TRIP12: variants seen among roughly 807,000 people sequenced by gnomAD.
TRIP12 encodes the protein thyroid hormone receptor interactor 12, also known as E3 ubiquitin-protein ligase TRIP12.
TRIP12 carries 25 observed loss-of-function variants against 244.2 expected under a neutral mutation model. The observed-to-expected ratio is 0.10, with a 90% confidence interval of 0.07 to 0.14. The LOEUF (loss-of-function observed/expected upper bound fraction) is 0.14, where lower values mean the gene tolerates loss of function less well. TRIP12 is among the 10% of genes least tolerant of loss of function. The pLI, the probability that TRIP12 is intolerant of heterozygous loss-of-function variation, is 1.00. For synonymous variants in TRIP12, 905 were observed against 873.1 expected (o/e 1.04, Z -0.64); for missense variants, 1,677 against 2,486.4 (o/e 0.67, Z 6.92).
rs1031110076 is a variant in TRIP12 at position 229,791,143 on chromosome 2, C to T, written c.4524G>A (p.Lys1508=). The part of the protein sequence containing the change: ...PTKTSPRNAK[K]HDELWHDGVC... ...TCTTACCGTGCCATAACTCATCATG[C>T]TTTTTTGCATTTCTAGGGGAAGTTT... Residue 1508 remains lysine (K), a synonymous_variant, in exon 30 of 42, where the codon AAG becomes AAA. Transcript: ENST00000675903. The T allele has an allele frequency of 2.5e-6, 4 of 1,614,000 alleles. No homozygotes were observed. Among genetic ancestry groups the T allele is most frequent in the Non-Finnish European group, 3.4e-6 (4 of 1,179,984 alleles).
intron 6 of TRIP12, among the ~76,000 whole-genome samples, chr2:229,836,138 A>G (rs1381452206): frequency 6.6e-6 from 1 of 152,218 alleles, no homozygotes; most frequent in African/African-American, 2.4e-5. Flanking sequence ...TATCTGAAAT[A>G]TCTTTATTCA....
intron 39 of TRIP12, 65 bp downstream of exon 39, chr2:229,771,454 G>A (rs915699580): frequency 6.5e-6 from 9 of 1,375,614 alleles, no homozygotes; most frequent in African/African-American, 4.3e-5. Context: ...CTTTGACTAG[G>A]CAGCACAGAA....
At position 229,795,260 on chromosome 2, in the gene TRIP12, T is replaced by C. The variant is rs1173627007; in HGVS notation, c.3887A>G (p.Lys1296Arg). 1 of 1,614,128 alleles carries C rather than the reference T, an allele frequency of 6.2e-7. No individual in the cohort carries two copies. Among genetic ancestry groups the C allele is most frequent in the Non-Finnish European group, 8.5e-7 (1 of 1,179,982 alleles). ...GNAPLLALVH[K>R]MNNCLSQMEQ... ...CATCTGGCTGAGGCAGTTGTTCATCTTGTGAACTAATGCCAACAAAGGTGC... is the reference window on the plus strand; with the variant it reads ...CATCTGGCTGAGGCAGTTGTTCATCCTGTGAACTAATGCCAACAAAGGTGC... Residue 1296 changes from lysine (K) to arginine (R), a missense_variant, in exon 26 of 42, where the codon AAG (lysine) becomes AGG (arginine). By Grantham distance (26) the Lys-to-Arg change is conservative. Around this residue, in one of 11 missense-constraint regions of TRIP12, gnomAD observed 77 missense variants for 69.2 expected, o/e 1.11. Coordinates refer to ENST00000675903, the MANE Select transcript of TRIP12 (RefSeq NM_001348323.3).
rs1242671841 is a variant in TRIP12, at chr2:229,764,849, T to C, written c.*2705A>G. On this transcript the variant is annotated 3_prime_UTR_variant, in exon 42 of 42. Transcript: ENST00000675903. Reference sequence around the variant, plus strand: ...CAGTAAAGAGGGACTCCAAGCATAATTACTTTCTTTATATCCTGCTAGTGA... The same window carrying C: ...CAGTAAAGAGGGACTCCAAGCATAACTACTTTCTTTATATCCTGCTAGTGA... 1 of 152,218 alleles carries C rather than the reference T, an allele frequency of 6.6e-6. No individual in the cohort carries two copies. Among genetic ancestry groups the C allele is most frequent in the African/African-American group, 2.4e-5 (1 of 41,440 alleles). 9.4% of individuals were successfully genotyped at this position (152,218 alleles called of 1,614,324 possible).
At chr2:229,865,205 G>A (rs549095554) in intron 2 of TRIP12, among the ~76,000 whole-genome samples, 47 of 151,654 alleles carry the variant, frequency 3.1e-4, no homozygotes, top group Middle Eastern at 3.4e-3. Flanking sequence ...CTAGCTACTC[G>A]GGAAGCTGGG....
At chr2:229,793,959 C>G (rs1447851907) in intron 26 of TRIP12, among the ~76,000 whole-genome samples, 1 of 152,060 alleles carries the variant, frequency 6.6e-6, no homozygotes, top group African/African-American at 2.4e-5. Context: ...TTGGACCCTC[C>G]TGCACATAAA....
chr2:229,795,097 A>C, intron 26 of TRIP12, 82 bp downstream of exon 26: 5 of 1,513,008 alleles, frequency 3.3e-6, no homozygotes, highest in Non-Finnish European at 4.5e-6. Context: ...TCAAGACTTT[A>C]CCAGACCTCT....
At chr2:229,806,196 G>C (rs1018819149) in intron 17 of TRIP12, 1 of 202,370 alleles carries the variant, frequency 4.9e-6, no homozygotes, top group African/African-American at 2.3e-5. Flanking sequence ...TTTGTATTGA[G>C]AATGCTTTTA....
chr2:229,895,950 C>CAT (rs1184948387), intron 1 of TRIP12, among the ~76,000 whole-genome samples: 1 of 152,036 alleles, frequency 6.6e-6, no homozygotes, highest in Non-Finnish European at 1.5e-5. Flanking sequence ...AGCACCACTT[C>CAT]ATACCAGCCT....
rs762182993 is a variant in TRIP12 at position 229,803,638 on chromosome 2, T to C, written c.2931A>G (p.Ala977=). The change falls in exon 20 of 42, where the codon GCA becomes GCG. Residue 977 remains alanine (A), a synonymous_variant. Transcript: ENST00000675903. ...SSQDLKIVVG[A]LQMAEILMQK... ...GCATTAAAATTTCTGCCATCTGAAG[T>C]GCTCCCACTACTATCTTCAGGTCTT... The C allele has an allele frequency of 3.8e-5, 62 of 1,613,642 alleles. No individual in the cohort carries two copies. The South Asian group carries it at 5.7e-4, about 15-fold the overall frequency.
intron 2 of TRIP12, among the ~76,000 whole-genome samples, chr2:229,871,224 GAAAGA>G (rs1180441563): frequency 6.6e-6 from 1 of 151,758 alleles, no homozygotes; most frequent in Non-Finnish European, 1.5e-5. Context: ...GACCGGAAAG[GAAAGA>G]AAAGAAGAAA....
intron 21 of TRIP12, among the ~76,000 whole-genome samples, chr2:229,799,724 G>A (rs898202789): frequency 5.3e-5 from 8 of 151,470 alleles, no homozygotes; most frequent in South Asian, 2.1e-4. Flanking sequence ...GCAGTGAGCC[G>A]AGATAGCGCC....
At chr2:229,867,599 T>TA (rs1391786331) in intron 2 of TRIP12, among the ~76,000 whole-genome samples, 4 of 152,214 alleles carry the variant, frequency 2.6e-5, no homozygotes, top group East Asian at 1.9e-4. Context: ...CCAAATGTGA[T>TA]AAAAAAGCTT....
rs1576826697 is a variant in TRIP12, at chr2:229,896,074, T to G, written c.-49-15946A>C. ...AATGAAGTTTTGGTCAGATTAAAAGTTTTTCCACCAGCAGAAAAGAAGTGG... is the reference window on the plus strand; with the variant it reads ...AATGAAGTTTTGGTCAGATTAAAAGGTTTTCCACCAGCAGAAAAGAAGTGG... On this transcript the variant is annotated intron_variant, in intron 1 of 41. Coordinates refer to ENST00000675903, the MANE Select transcript of TRIP12 (RefSeq NM_001348323.3). 1.3e-5 allele frequency among the ~76,000 whole-genome samples: 2 copies of G among 152,074 alleles called. 1 individual carries two copies. The highest frequency in any genetic ancestry group is 6.8e-3 in the Middle Eastern group (2 of 294).
rs2031468274 is a variant in TRIP12, at chr2:229,765,495, A to T, written c.*2059T>A. ...GGTAACGACTGACTTTGAAACACTC[A>T]AGACTTTAGAGTTTGAGTCAAAATC... On this transcript the variant is annotated 3_prime_UTR_variant, in exon 42 of 42. Transcript: ENST00000675903. 1 of 152,226 alleles carries T rather than the reference A, an allele frequency of 6.6e-6. No homozygotes were observed. The highest frequency in any genetic ancestry group is 1.5e-5 in the Non-Finnish European group (1 of 68,028). 9.4% of individuals were successfully genotyped at this position (152,226 alleles called of 1,614,324 possible). A position where few individuals can be genotyped will look rare whatever the true frequency, so the allele number is the denominator to read the frequency against.
In TRIP12 at chr2:229,917,380, C is replaced by CAAAAAAAAAAAAAAAAAA. The variant is rs60397605; in HGVS notation, c.-50+4482_-50+4499dup. ...TGGGCAACAGAGCGAGACTCTGTCT[C>CAAAAAAAAAAAAAAAAAA]AAAAAAAAAAAAAAAAAAAAAAAAA... On this transcript the variant is annotated intron_variant, in intron 1 of 41. Coordinates refer to ENST00000675903, the MANE Select transcript of TRIP12 (RefSeq NM_001348323.3). 6.2e-4 allele frequency among the ~76,000 whole-genome samples: 18 copies of CAAAAAAAAAAAAAAAAAA among 29,258 alleles called. 2 individuals are homozygous for CAAAAAAAAAAAAAAAAAA. The highest frequency in any genetic ancestry group is 3.4e-3 in the East Asian group (2 of 590). 19.2% of individuals were successfully genotyped at this position (29,258 alleles called of 152,430 possible).
At chr2:229,888,224 C>T (rs1246391079) in intron 1 of TRIP12, among the ~76,000 whole-genome samples, 1 of 152,134 alleles carries the variant, frequency 6.6e-6, no homozygotes, top group Non-Finnish European at 1.5e-5. Context: ...AAACCTGACT[C>T]ATCATGTAGG....
At chr2:229,794,087 G>GC (rs1187173319) in intron 26 of TRIP12, among the ~76,000 whole-genome samples, 1 of 151,964 alleles carries the variant, frequency 6.6e-6, no homozygotes, top group East Asian at 1.9e-4. Context: ...AGGTCAAAAT[G>GC]CCCCCTTATT....
chr2:229,861,658 A>G (rs1228764337), intron 2 of TRIP12, among the ~76,000 whole-genome samples: 1 of 152,190 alleles, frequency 6.6e-6, no homozygotes, highest in African/African-American at 2.4e-5. Context: ...ATATCATACA[A>G]GTACAACCAT....
Sources: allele counts gnomAD v4.1 joint callset (sites outside exome capture counted in the v4.1 genomes callset), GRCh38; gene constraint gnomAD v4.1.1; regional missense constraint gnomAD v4.1.1; transcripts MANE v1.5; gene names NCBI Gene and HGNC (gene_info 2026-07-23, HGNC 2026-07-21).